Variants in TMEM14C observed in about 807,000 individuals in gnomAD.
TMEM14C encodes transmembrane protein 14C.
A neutral mutation model predicts 14.8 loss-of-function variants in TMEM14C; 13 were observed. That is an observed-to-expected ratio of 0.88 (90% CI 0.57 to 1.40). The LOEUF (loss-of-function observed/expected upper bound fraction) is 1.40. Among genes scored for constraint, TMEM14C ranks in the 40% most tolerant of loss-of-function variants. The pLI is 0.00. For missense variants in TMEM14C, 142 were observed against 138.8 expected, an observed-to-expected ratio of 1.02 and a Z score of -0.12; for synonymous variants, 57 against 51.3, an observed-to-expected ratio of 1.11 and a Z score of -0.48.
intron 3 of TMEM14C, among the ~76,000 whole-genome samples, chr6:10,725,671 C>T (rs1231945186): frequency 6.6e-6 from 1 of 152,102 alleles, no homozygotes; most frequent in Non-Finnish European, 1.5e-5. Context: ...TCTTTCCTTT[C>T]CTTAGATGGA....
chr6:10,725,854 T>G, intron 3 of TMEM14C, 53 bp from the exon 4 acceptor site: 1 of 1,608,756 alleles, frequency 6.2e-7, no homozygotes, highest in Non-Finnish European at 8.5e-7. Context: ...GGGATTCCGT[T>G]AGTGAAATAA....
chr6:10,729,257 T>C (rs537172655), intron 5 of TMEM14C, among the ~76,000 whole-genome samples: 1 of 152,252 alleles, frequency 6.6e-6, no homozygotes, highest in African/African-American at 2.4e-5. Context: ...TGCCTCAGCC[T>C]CCGGAGTAGC....
At chr6:10,730,154 CATAAAGA>C (rs1770984812) in intron 5 of TMEM14C, among the ~76,000 whole-genome samples, 1 of 152,084 alleles carries the variant, frequency 6.6e-6, no homozygotes, top group Non-Finnish European at 1.5e-5. Context: ...AGTTAAGTAT[CATAAAGA>C]CATCCTGAAG....
rs957718575 is a variant in TMEM14C at position 10,726,085 on chromosome 6, G to T, written c.199+77G>T. 7.2e-6 allele frequency: 11 copies of T among 1,523,896 alleles called. No individual in the cohort carries two copies. The East Asian group carries it at 2.3e-4, about 31-fold the overall frequency. The allele number at this position is 1,523,896 out of a possible 1,614,324, so 94.4% of individuals were successfully genotyped here. Reference sequence around the variant, plus strand: ...TTTCCAAAAGACCCTGGTTTGGTGGGATGGGGTGAGTTCTTCACACTTCAC... The same window carrying T: ...TTTCCAAAAGACCCTGGTTTGGTGGTATGGGGTGAGTTCTTCACACTTCAC... On this transcript the variant is annotated intron_variant, in intron 4 of 5. Coordinates refer to ENST00000229563, the MANE Select transcript of TMEM14C (RefSeq NM_016462.4).
intron 2 of TMEM14C, 98 bp from the exon 3 acceptor site, chr6:10,724,863 G>A: frequency 6.9e-7 from 1 of 1,451,540 alleles, no homozygotes; most frequent in Non-Finnish European, 9.7e-7. Flanking sequence ...TCAGTGATAG[G>A]ACCTGTGGGG....
At chr6:10,728,935 G>C in intron 5 of TMEM14C, 1 of 1,243,754 alleles carries the variant, frequency 8.0e-7, no homozygotes, top group Admixed American at 2.3e-5. Flanking sequence ...CGTGGAAATG[G>C]GTTTGTTCTC....
chr6:10,724,305 T>A, intron 1 of TMEM14C: 1 of 324,774 alleles, frequency 3.1e-6, no homozygotes, highest in Non-Finnish European at 5.7e-6. Flanking sequence ...CTTGCTGAGT[T>A]TCCCGTGGGC....
chr6:10,725,157 G>A, intron 3 of TMEM14C, 120 bp downstream of exon 3: 1 of 1,188,722 alleles, frequency 8.4e-7, no homozygotes, highest in Non-Finnish European at 1.2e-6. Context: ...TCCCCAAGCT[G>A]GAGTGCAGGC....
intron 4 of TMEM14C, among the ~76,000 whole-genome samples, chr6:10,726,960 T>C (rs1024543861): frequency 1.3e-5 from 2 of 152,124 alleles, no homozygotes; most frequent in African/African-American, 4.8e-5. Flanking sequence ...AGGTCCGTGA[T>C]GGCTAATGGG....
chr6:10,724,537 T>C, intron 1 of TMEM14C, 33 bp from the exon 2 acceptor site: 2 of 1,508,782 alleles, frequency 1.3e-6, no homozygotes, highest in Non-Finnish European at 1.8e-6. Flanking sequence ...AGCTGTGCTT[T>C]TAACTACCTC....
intron 5 of TMEM14C, 107 bp downstream of exon 5, chr6:10,728,834 A>G: frequency 1.9e-6 from 3 of 1,567,912 alleles, no homozygotes; most frequent in East Asian, 2.3e-5. Flanking sequence ...GATGCTATGT[A>G]TCAACTGACA....
intron 1 of TMEM14C, 177 bp from the exon 2 acceptor site, chr6:10,724,393 A>C: frequency 3.5e-6 from 2 of 578,990 alleles, no homozygotes; most frequent in South Asian, 2.2e-5. Flanking sequence ...GCACCTTTAC[A>C]TGTGACATCC....
chr6:10,725,777 T>G, intron 3 of TMEM14C, 130 bp from the exon 4 acceptor site: 1 of 1,083,108 alleles, frequency 9.2e-7, no homozygotes, highest in Non-Finnish European at 1.3e-6. Flanking sequence ...CCTGCTTGAG[T>G]CCACCTTGGC....
At chr6:10,724,408 A>C (rs2127487345) in intron 1 of TMEM14C, 162 bp from the exon 2 acceptor site, 1 of 589,956 alleles carries the variant, frequency 1.7e-6, no homozygotes, top group East Asian at 2.8e-5. Context: ...ACATCCATTG[A>C]ATGCTCACTA....
intron 4 of TMEM14C, among the ~76,000 whole-genome samples, chr6:10,727,807 C>G (rs1239350170): frequency 6.6e-6 from 1 of 151,850 alleles, no homozygotes; most frequent in Admixed American, 6.6e-5. Flanking sequence ...GGCGACAGAT[C>G]AAGACTCTGT....
In TMEM14C at chr6:10,725,324, C is replaced by CG. The variant is rs3216006; in HGVS notation, c.97+288dup. 2.0e-5 allele frequency among the ~76,000 whole-genome samples: 3 copies of CG among 152,264 alleles called. No individual in the cohort carries two copies. The East Asian group carries it at 5.8e-4, about 29-fold the overall frequency. ...ATCGTTGACTGCCATTCATCAGCCA[C>CG]GACCCCCAAGTGCCATCTCTGGGCT... On this transcript the variant is annotated intron_variant, in intron 3 of 5. Coordinates refer to ENST00000229563, the MANE Select transcript of TMEM14C (RefSeq NM_016462.4).
At chr6:10,725,844 G>C (rs978169147) in intron 3 of TMEM14C, 63 bp from the exon 4 acceptor site, 1 of 1,603,166 alleles carries the variant, frequency 6.2e-7, no homozygotes, top group African/African-American at 1.3e-5. Flanking sequence ...AGCGGTCTGG[G>C]GGATTCCGTT....
In TMEM14C at chr6:10,725,103, G is replaced by A. The variant is rs143296263; in HGVS notation, c.97+66G>A. 5.4e-5 allele frequency: 86 copies of A among 1,586,494 alleles called. No homozygotes were observed. The East Asian group carries it at 1.6e-3, about 29-fold the overall frequency. Reference sequence around the variant, plus strand: ...TTGTCCCAGTGAAATGTGAATGCCCGTGTCCCTGAGAAGCAATCTCATTTG... The same window carrying A: ...TTGTCCCAGTGAAATGTGAATGCCCATGTCCCTGAGAAGCAATCTCATTTG... On this transcript the variant is annotated intron_variant, in intron 3 of 5. Coordinates refer to ENST00000229563, the MANE Select transcript of TMEM14C (RefSeq NM_016462.4).
At chr6:10,728,850 T>C (rs989690471) in intron 5 of TMEM14C, 123 bp downstream of exon 5, 4 of 1,546,998 alleles carry the variant, frequency 2.6e-6, no homozygotes, top group Admixed American at 1.9e-5. Flanking sequence ...TGACATTTGA[T>C]ATATACACTA....
Sources: allele counts gnomAD v4.1 joint callset (sites outside exome capture counted in the v4.1 genomes callset), GRCh38; gene constraint gnomAD v4.1.1; transcripts MANE v1.5; gene names NCBI Gene and HGNC (gene_info 2026-07-23, HGNC 2026-07-21).